Variants in GUCY1A2 observed in about 807,000 individuals in gnomAD.
The protein encoded by GUCY1A2 is guanylate cyclase soluble subunit alpha-2.
In GUCY1A2, 27 loss-of-function variants were observed where a neutral mutation model predicts 63.5. The ratio of observed to expected loss-of-function variants is 0.43; its 90% CI spans 0.31 to 0.59. The LOEUF (loss-of-function observed/expected upper bound fraction) is 0.59. Among genes scored for constraint, GUCY1A2 ranks in the 20% least tolerant of loss-of-function variants. The pLI is 0.11. For synonymous variants in GUCY1A2, 364 were observed against 343.5 expected, an observed-to-expected ratio of 1.06 and a Z score of -0.66; for missense variants, 768 against 913.3, an observed-to-expected ratio of 0.84 and a Z score of 2.05.
intron 6 of GUCY1A2, among the ~76,000 whole-genome samples, chr11:106,744,760 G>C (rs1407988349): frequency 6.6e-6 from 1 of 152,022 alleles, no homozygotes; most frequent in Non-Finnish European, 1.5e-5. Flanking sequence ...TGGGGGATGG[G>C]GCAGAACTTA....
intron 2 of GUCY1A2, among the ~76,000 whole-genome samples, chr11:106,982,610 G>A (rs995067839): frequency 6.6e-6 from 1 of 152,098 alleles, no homozygotes; most frequent in Non-Finnish European, 1.5e-5. Context: ...TACTTTAGAC[G>A]GGGTGATCAG....
At chr11:106,832,308 A>C (rs963682488) in intron 4 of GUCY1A2, among the ~76,000 whole-genome samples, 2 of 152,156 alleles carry the variant, frequency 1.3e-5, no homozygotes, top group Non-Finnish European at 2.9e-5. Flanking sequence ...TTAATACATT[A>C]TTTGAGAAAA....
At chr11:106,827,615 A>C in intron 4 of GUCY1A2, 1 of 1,515,082 alleles carries the variant, frequency 6.6e-7, no homozygotes, top group Non-Finnish European at 9.2e-7. Context: ...AGTGTTCTTC[A>C]CTCTTCAGTT....
chr11:106,803,843 T>G (rs1858643866), intron 5 of GUCY1A2, among the ~76,000 whole-genome samples: 1 of 152,168 alleles, frequency 6.6e-6, no homozygotes, highest in Admixed American at 6.5e-5. Context: ...AAGAAACATA[T>G]CTTACCCTTG....
At chr11:106,929,765 C>T (rs1860576588) in intron 4 of GUCY1A2, among the ~76,000 whole-genome samples, 1 of 152,124 alleles carries the variant, frequency 6.6e-6, no homozygotes. Flanking sequence ...TGGAAAGTTC[C>T]TCTTAATTCT....
rs1179104883 is a variant in GUCY1A2 at position 106,766,485 on chromosome 11, A to AT, written c.1836+9953dup. Among the ~76,000 whole-genome samples the AT allele has an allele frequency of 2.0e-5, 3 of 152,250 alleles. No homozygotes were observed. The East Asian group carries it at 5.8e-4, about 29-fold the overall frequency. ...ATACATAAAAATGTAAAATATGTCT[A>AT]TAATTGGTTGGTAAATTATAGGTGA... On this transcript the variant is annotated intron_variant, in intron 6 of 7. Transcript: ENST00000526355.
intron 4 of GUCY1A2, among the ~76,000 whole-genome samples, chr11:106,915,606 A>G (rs1860360376): frequency 8.6e-6 from 1 of 115,882 alleles, no homozygotes; most frequent in African/African-American, 2.6e-5. Context: ...ATTCAAGAAC[A>G]TGAAGGAAAC....
At chr11:106,714,228 A>C (rs1273147198) in intron 6 of GUCY1A2, among the ~76,000 whole-genome samples, 1 of 150,190 alleles carries the variant, frequency 6.7e-6, no homozygotes, top group African/African-American at 2.4e-5. Flanking sequence ...ACAGTCATTA[A>C]AAAAAAAAGT....
intron 6 of GUCY1A2, among the ~76,000 whole-genome samples, chr11:106,741,320 C>A (rs1863690672): frequency 6.6e-6 from 1 of 152,170 alleles, no homozygotes; most frequent in Non-Finnish European, 1.5e-5. Flanking sequence ...CTAGCCATAT[C>A]TAAAGTATTC....
intron 6 of GUCY1A2, among the ~76,000 whole-genome samples, chr11:106,711,411 G>A (rs1390855485): frequency 6.6e-6 from 1 of 152,144 alleles, no homozygotes; most frequent in African/African-American, 2.4e-5. Context: ...GGTAGTATCA[G>A]TAAAACTGCA....
At chr11:106,987,309 C>T (rs1424819842) in intron 1 of GUCY1A2, among the ~76,000 whole-genome samples, 2 of 152,144 alleles carry the variant, frequency 1.3e-5, no homozygotes, top group African/African-American at 4.8e-5. Context: ...TATCAATTTC[C>T]AATTGCTAAT....
At chr11:106,886,031 T>G (rs1859896395) in intron 4 of GUCY1A2, among the ~76,000 whole-genome samples, 1 of 152,144 alleles carries the variant, frequency 6.6e-6, no homozygotes, top group Non-Finnish European at 1.5e-5. Context: ...GATAACTACG[T>G]GTATCTGGCA....
At chr11:106,943,770 T>G (rs889686255) in intron 3 of GUCY1A2, among the ~76,000 whole-genome samples, 2 of 152,198 alleles carry the variant, frequency 1.3e-5, no homozygotes, top group African/African-American at 4.8e-5. Context: ...ACACATGACT[T>G]TCTCTCATGG....
chr11:106,854,973 C>T (rs1005563764), intron 4 of GUCY1A2, among the ~76,000 whole-genome samples: 1 of 152,154 alleles, frequency 6.6e-6, no homozygotes, highest in Non-Finnish European at 1.5e-5. Context: ...CCAGATTTAG[C>T]TGTCATTGTG....
chr11:106,950,623 T>C (rs1456042170), intron 3 of GUCY1A2, among the ~76,000 whole-genome samples: 1 of 152,156 alleles, frequency 6.6e-6, no homozygotes, highest in African/African-American at 2.4e-5. Context: ...CGTACATAGA[T>C]TCTGGCTTTT....
chr11:106,838,000 T>C (rs12792154), intron 4 of GUCY1A2, among the ~76,000 whole-genome samples: 2,636 of 152,098 alleles, frequency 0.017, 41 homozygotes, highest in Non-Finnish European at 0.024. Flanking sequence ...GCACACACTC[T>C]ATGCTAATAC....
At chr11:106,785,158 C>T (rs7113654) in intron 5 of GUCY1A2, among the ~76,000 whole-genome samples, 1,723 of 152,202 alleles carry the variant, frequency 0.011, 28 homozygotes, top group African/African-American at 0.038. Flanking sequence ...CTAACGGAGA[C>T]GATGGATTGA....
intron 6 of GUCY1A2, among the ~76,000 whole-genome samples, chr11:106,771,569 G>C (rs939089937): frequency 1.3e-5 from 2 of 152,176 alleles, no homozygotes; most frequent in South Asian, 4.1e-4. Context: ...GCAACATAGA[G>C]AGACCCCCAT....
chr11:106,878,064 C>T (rs1859774463), intron 4 of GUCY1A2, among the ~76,000 whole-genome samples: 1 of 151,908 alleles, frequency 6.6e-6, no homozygotes, highest in African/African-American at 2.4e-5. Flanking sequence ...AAATGCAAAT[C>T]AAAACCACAA....
Sources: allele counts gnomAD v4.1 joint callset (sites outside exome capture counted in the v4.1 genomes callset), GRCh38; gene constraint gnomAD v4.1.1; transcripts MANE v1.5; gene names NCBI Gene and HGNC (gene_info 2026-07-23, HGNC 2026-07-21).